CCSER1: variants seen among roughly 807,000 people sequenced by gnomAD.
CCSER1 encodes the protein serine-rich coiled-coil domain-containing protein 1.
Under a neutral mutation model 82.0 loss-of-function variants are expected in CCSER1, and 41 were observed. The ratio of observed to expected loss-of-function variants is 0.50; its 90% confidence interval spans 0.39 to 0.65. The LOEUF is 0.65. Ranked by LOEUF, CCSER1 falls within the 30% of genes least tolerant of loss-of-function variation. CCSER1 has a pLI of 0.00. For missense variants in CCSER1, 1,119 were observed against 1,064.2 expected (o/e 1.05, Z -0.72); for synonymous variants, 414 against 383.9 (o/e 1.08, Z -0.92).
intron 8 of CCSER1, among the ~76,000 whole-genome samples, chr4:90,894,367 A>T (rs1485209781): frequency 6.6e-6 from 1 of 152,042 alleles, no homozygotes; most frequent in African/African-American, 2.4e-5. Context: ...TCTATGTTTG[A>T]TACTATGCAC....
chr4:90,436,593 T>C (rs1451736288), intron 4 of CCSER1, among the ~76,000 whole-genome samples: 1 of 152,178 alleles, frequency 6.6e-6, no homozygotes. Flanking sequence ...TAAAGTTATA[T>C]AAGCAGTTAA....
chr4:90,939,343 C>G (rs1226878672), intron 9 of CCSER1, among the ~76,000 whole-genome samples: 1 of 152,158 alleles, frequency 6.6e-6, no homozygotes, highest in East Asian at 1.9e-4. Context: ...GGAAATTAAC[C>G]TCATATTAAA....
At chr4:90,166,996 A>T (rs2153371337) in intron 1 of CCSER1, among the ~76,000 whole-genome samples, 1 of 152,132 alleles carries the variant, frequency 6.6e-6, no homozygotes, top group South Asian at 2.1e-4. Flanking sequence ...GAAATTCTTT[A>T]ATCAAGCGTA....
At chr4:90,487,840 C>T (rs1578749281) in intron 5 of CCSER1, among the ~76,000 whole-genome samples, 1 of 152,124 alleles carries the variant, frequency 6.6e-6, no homozygotes, top group Non-Finnish European at 1.5e-5. Flanking sequence ...TGGAGTTTCA[C>T]CATGTTGGCC....
chr4:90,726,113 G>A (rs1220403915), intron 7 of CCSER1, among the ~76,000 whole-genome samples: 1 of 151,788 alleles, frequency 6.6e-6, no homozygotes, highest in Admixed American at 6.6e-5. Flanking sequence ...TTTTTCTTCT[G>A]GGAAGTAATT....
intron 10 of CCSER1, among the ~76,000 whole-genome samples, chr4:91,281,057 G>A (rs1742876510): frequency 6.6e-6 from 1 of 152,170 alleles, no homozygotes; most frequent in Admixed American, 6.5e-5. Flanking sequence ...GGGCTCTTCT[G>A]TGGCTAGAAT....
intron 10 of CCSER1, among the ~76,000 whole-genome samples, chr4:91,535,100 CTA>C (rs1761232006): frequency 6.6e-6 from 1 of 151,646 alleles, no homozygotes; most frequent in Non-Finnish European, 1.5e-5. Context: ...AAAATATAAA[CTA>C]GAGGATTTTA....
intron 5 of CCSER1, among the ~76,000 whole-genome samples, chr4:90,626,173 C>T (rs1442235362): frequency 2.6e-5 from 4 of 152,028 alleles, no homozygotes; most frequent in South Asian, 2.1e-4. Flanking sequence ...TTGTATGCGT[C>T]GATGATTACA....
At position 90,309,560 on chromosome 4, in the gene CCSER1, C is replaced by G. The variant is rs780004131; in HGVS notation, c.1276C>G (p.His426Asp). ...SKIIPTSGDH[H>D]IFNKTSHGYE... ...GATAATACCTACTTCTGGTGATCAT[C>G]ATATTTTTAACAAAACATCACATGG... Residue 426 changes from histidine (H) to aspartate (D), a missense_variant, in exon 2 of 11, where the codon CAT (histidine) becomes GAT (aspartate). Coordinates refer to ENST00000509176, the MANE Select transcript of CCSER1 (RefSeq NM_001145065.2). 17 of 1,605,610 alleles carry G rather than the reference C, an allele frequency of 1.1e-5. No homozygotes were observed. Among genetic ancestry groups the G allele is most frequent in the Non-Finnish European group, 1.4e-5 (16 of 1,177,180 alleles).
At chr4:90,608,726 C>G (rs1785068368) in intron 5 of CCSER1, among the ~76,000 whole-genome samples, 2 of 152,114 alleles carry the variant, frequency 1.3e-5, no homozygotes, top group Admixed American at 6.6e-5. Flanking sequence ...ATATTCTGAT[C>G]TAGAAAATAA....
chr4:90,432,554 TCTTC>T (rs139113507), intron 4 of CCSER1, among the ~76,000 whole-genome samples: 2,030 of 151,602 alleles, frequency 0.013, 40 homozygotes, highest in African/African-American at 0.046. Context: ...CTCCCTCCCT[TCTTC>T]CTTCCTTCCT....
At chr4:90,915,101 T>G (rs947706936) in intron 8 of CCSER1, among the ~76,000 whole-genome samples, 3 of 152,202 alleles carry the variant, frequency 2.0e-5, no homozygotes, top group African/African-American at 7.2e-5. Flanking sequence ...GAGGAGCTGG[T>G]ACCATTCCTT....
chr4:90,607,380 C>G (rs1158207313), intron 5 of CCSER1, among the ~76,000 whole-genome samples: 2 of 152,140 alleles, frequency 1.3e-5, no homozygotes, highest in Admixed American at 1.3e-4. Flanking sequence ...ACCAAATTAT[C>G]ACAAACTGGG....
chr4:90,479,829 A>G (rs1006502562), intron 5 of CCSER1, among the ~76,000 whole-genome samples: 8 of 152,316 alleles, frequency 5.3e-5, no homozygotes, highest in African/African-American at 1.7e-4. Flanking sequence ...TAGTGCCGCA[A>G]TAAACATACG....
At chr4:90,879,828 T>C (rs1721028092) in intron 8 of CCSER1, among the ~76,000 whole-genome samples, 1 of 152,172 alleles carries the variant, frequency 6.6e-6, no homozygotes, top group Non-Finnish European at 1.5e-5. Flanking sequence ...TGTATGGGTG[T>C]TCCTTTAACT....
intron 9 of CCSER1, among the ~76,000 whole-genome samples, chr4:91,017,980 C>T (rs1739583019): frequency 6.6e-6 from 1 of 151,912 alleles, no homozygotes; most frequent in Non-Finnish European, 1.5e-5. Flanking sequence ...TTTCTAGGAA[C>T]ATTTGATTAT....
chr4:90,504,933 A>G (rs896937118), intron 5 of CCSER1, among the ~76,000 whole-genome samples: 1 of 152,132 alleles, frequency 6.6e-6, no homozygotes. Context: ...CCTGCACCAA[A>G]TGCCAAAAAC....
intron 1 of CCSER1, among the ~76,000 whole-genome samples, chr4:90,227,672 G>A (rs188942749): frequency 1.6e-4 from 25 of 152,332 alleles, no homozygotes; most frequent in Non-Finnish European, 2.4e-4. Flanking sequence ...CGTGAGCGAC[G>A]CAGAAGATGG....
At chr4:90,403,498 C>CAAAAAAAAA (rs753570201) in intron 4 of CCSER1, among the ~76,000 whole-genome samples, 11 of 45,914 alleles carry the variant, frequency 2.4e-4, no homozygotes, top group East Asian at 5.0e-4. Context: ...GACTCCGTCT[C>CAAAAAAAAA]AAAAAAAAAA....
Sources: gnomAD v4.1 joint callset for allele counts (sites outside exome capture counted in the v4.1 genomes callset) on GRCh38, gnomAD v4.1.1 for gene constraint, MANE v1.5 for transcripts, NCBI Gene and HGNC (gene_info 2026-07-23, HGNC 2026-07-21) for gene names.